The following KIR2DL4 variants were observed in gnomAD, a reference collection of about 807,000 sequenced individuals.
The protein encoded by KIR2DL4 is killer cell immunoglobulin like receptor, two Ig domains and long cytoplasmic tail 4.
In KIR2DL4, 41 loss-of-function variants were observed where a neutral mutation model predicts 31.0. The observed-to-expected ratio is 1.32, with a 90% confidence interval of 1.03 to 1.72. The LOEUF (loss-of-function observed/expected upper bound fraction) is 1.72, where lower values mean the gene tolerates loss of function less well. Among genes scored for constraint, KIR2DL4 ranks in the 40% most tolerant of loss-of-function variants. The probability of loss-of-function intolerance (pLI) is 0.00; values close to 1 mark genes in which losing one functional copy is unlikely to be tolerated. For missense variants in KIR2DL4, 438 were observed against 353.7 expected (o/e 1.24, Z -1.91); for synonymous variants, 164 against 133.6 (o/e 1.23, Z -1.57).
intron 4 of KIR2DL4, among the ~76,000 whole-genome samples, chr19:54,806,731 T>C (rs1601152786): frequency 6.6e-6 from 1 of 150,858 alleles, no homozygotes; most frequent in Admixed American, 6.6e-5. Context: ...TTATATGCTG[T>C]GTGCGGTGGC....
intron 3 of KIR2DL4, 107 bp from the exon 4 acceptor site, chr19:54,805,844 G>C (rs2060483771): frequency 9.4e-7 from 1 of 1,065,662 alleles, no homozygotes; most frequent in Admixed American, 2.3e-5. Context: ...GAGAGAGAGA[G>C]AGAGAGCACT....
chr19:54,814,149 A>T (rs1371559372), exon 8 of KIR2DL4: 1 of 1,600,676 alleles, frequency 6.2e-7, no homozygotes, highest in African/African-American at 1.4e-5. Flanking sequence ...ACTCTTCCTC[A>T]CACCACAAAT....
chr19:54,813,655 C>T (rs1382801187), intron 6 of KIR2DL4, 35 bp from the exon 6 acceptor site: 2 of 1,606,516 alleles, frequency 1.2e-6, no homozygotes, highest in Non-Finnish European at 1.7e-6. Flanking sequence ...CAGAAGTGCC[C>T]TCCCAGCTGT....
At chr19:54,803,993 G>A in intron 2 of KIR2DL4, 67 bp downstream of exon 2, 7 of 1,399,636 alleles carry the variant, frequency 5.0e-6, no homozygotes, top group East Asian at 2.3e-5. Flanking sequence ...CCAGAAATGG[G>A]AGGGAGGCAG....
Position 54,809,216 on chromosome 19 carries a change from G to A in KIR2DL4, c.706+333G>A, listed in dbSNP as rs1182431326. ...GGGGCTTGAGAAGGGGAAGGAAGGGGAACATTTTTGAGGGTGGTGTATTTG... is the reference window on the plus strand; with the variant it reads ...GGGGCTTGAGAAGGGGAAGGAAGGGAAACATTTTTGAGGGTGGTGTATTTG... On this transcript the variant is annotated intron_variant, in intron 5 of 7. Transcript: ENST00000359085. 6.6e-5 allele frequency among the ~76,000 whole-genome samples: 10 copies of A among 150,502 alleles called. 1 individual carries two copies. Among genetic ancestry groups the A allele is most frequent in the African/African-American group, 2.5e-4 (10 of 40,436 alleles).
chr19:54,808,936 GC>G (rs2060691431), intron 5 of KIR2DL4, 53 bp downstream of exon 5: 1 of 1,430,950 alleles, frequency 7.0e-7, no homozygotes, highest in Admixed American at 1.7e-5. Flanking sequence ...GGAGGTAGAA[GC>G]CTTGGATTCA....
intron 5 of KIR2DL4, chr19:54,813,054 A>C: frequency 4.1e-6 from 5 of 1,230,060 alleles, no homozygotes; most frequent in Non-Finnish European, 5.7e-6. Context: ...CTGGCAACCA[A>C]GAAATGAGAG....
chr19:54,809,651 C>G (rs1196206302), intron 5 of KIR2DL4, among the ~76,000 whole-genome samples: 1 of 151,196 alleles, frequency 6.6e-6, no homozygotes, highest in East Asian at 1.9e-4. Flanking sequence ...CCGTCTTCCT[C>G]CCTCAAAGTC....
At chr19:54,810,692 G>A (rs1439826372) in intron 5 of KIR2DL4, among the ~76,000 whole-genome samples, 1 of 151,190 alleles carries the variant, frequency 6.6e-6, no homozygotes, top group African/African-American at 2.4e-5. Flanking sequence ...AGAGCACACT[G>A]GGTACACAGG....
At chr19:54,814,169 G>C (rs376917646) in exon 8 of KIR2DL4, 74,597 of 1,571,698 alleles carry the variant, frequency 0.047, 3,425 homozygotes, top group South Asian at 0.12. Flanking sequence ...TCTGGTGCCT[G>C]TCTCTTGCTT....
intron 4 of KIR2DL4, among the ~76,000 whole-genome samples, chr19:54,807,530 A>G (rs770716203): frequency 6.6e-6 from 1 of 150,802 alleles, no homozygotes; most frequent in Non-Finnish European, 1.5e-5. Flanking sequence ...CTCTACCTCC[A>G]GGATTCAAGT....
Position 54,806,076 on chromosome 19 carries a change from GC to G in KIR2DL4, c.490del (p.His164MetfsTer81). 6.2e-7 allele frequency: 1 copy of G among 1,612,122 alleles called. No homozygotes were observed. Among genetic ancestry groups the G allele is most frequent in the South Asian group, 1.1e-5 (1 of 90,636 alleles). ...CTACCATCTATCCAGGGAGGGGGAA[GC>G]CCATGAACTTAGGCTCCCTGCAGTG... On this transcript the variant is annotated frameshift_variant, in exon 4 of 8. Coordinates refer to ENST00000359085, the Ensembl canonical transcript of KIR2DL4. LOFTEE classifies it high-confidence loss of function.
intron 5 of KIR2DL4, chr19:54,813,005 C>T: frequency 2.9e-6 from 2 of 680,718 alleles, no homozygotes; most frequent in Non-Finnish European, 4.8e-6. Context: ...TCTCCCGCCT[C>T]GTGGGTGCTT....
rs11371265 is a variant in KIR2DL4, at chr19:54,813,219, CA to C, written c.810del (p.Met271CysfsTer20). 237 of 1,401,824 alleles carry C rather than the reference CA, an allele frequency of 1.7e-4. 1 individual carries two copies. Among genetic ancestry groups the C allele is most frequent in the Admixed American group, 6.7e-4 (29 of 43,278 alleles). The allele number at this position is 1,401,824 out of a possible 1,614,324, so 86.8% of individuals were successfully genotyped here. A position where few individuals can be genotyped will look rare whatever the true frequency, so the allele number is the denominator to read the frequency against. ...TCTTTCTCCTTCATCGCTGGTGCTCCAAAAAAAAAGTAAGCCTCACGAAGCA... is the reference window on the plus strand; with the variant it reads ...TCTTTCTCCTTCATCGCTGGTGCTCCAAAAAAAAGTAAGCCTCACGAAGCA... On this transcript the variant is annotated frameshift_variant, in exon 6 of 8. Coordinates refer to ENST00000359085, the Ensembl canonical transcript of KIR2DL4. LOFTEE classifies it high-confidence loss of function.
rs370860392 is a variant in KIR2DL4 at position 54,812,603 on chromosome 19, C to G, written c.707-522C>G. ...ACGCTGTACTAGAAGCAGGACACTA[C>G]CATCTATTTCTGGCTGCGGCCTCAG... On this transcript the variant is annotated intron_variant, in intron 5 of 7. Coordinates refer to ENST00000359085, the Ensembl canonical transcript of KIR2DL4. 8.0e-5 allele frequency among the ~76,000 whole-genome samples: 12 copies of G among 150,090 alleles called. 1 individual carries two copies. Among genetic ancestry groups the G allele is most frequent in the East Asian group, 7.9e-4 (4 of 5,074 alleles).
intron 3 of KIR2DL4, 79 bp from the exon 4 acceptor site, chr19:54,805,872 A>G: frequency 7.8e-7 from 1 of 1,283,044 alleles, no homozygotes; most frequent in Non-Finnish European, 1.1e-6. Flanking sequence ...AGAGCAGGGC[A>G]GTGAGTTCTC....
chr19:54,804,151 A>AGTAAGAGGAGATCCTGGTG (rs2060352323), intron 2 of KIR2DL4, among the ~76,000 whole-genome samples: 1 of 150,432 alleles, frequency 6.6e-6, no homozygotes, highest in Non-Finnish European at 1.5e-5. Context: ...AGATCCTGGT[A>AGTAAGAGGAGATCCTGGTG]TGCTCAGCCC....
chr19:54,808,681 C>T lies in KIR2DL4; in HGVS notation c.656-152C>T, dbSNP rs2060672446. 19 of 738,262 alleles carry T rather than the reference C, an allele frequency of 2.6e-5. No homozygotes were observed. The Middle Eastern group carries it at 1.5e-3, about 59-fold the overall frequency. The allele number at this position is 738,262 out of a possible 1,614,324, so 45.7% of individuals were successfully genotyped here. The stretch of plus-strand genomic sequence containing the variant: ...CTTGAAGTCTCAAGATAGTTGGTGT[C>T]ACCTACAATGATTATGGAGAATGGG... On this transcript the variant is annotated intron_variant, in intron 4 of 7. Coordinates refer to ENST00000359085, the Ensembl canonical transcript of KIR2DL4.
chr19:54,809,326 T>G (rs2060716088), intron 5 of KIR2DL4, among the ~76,000 whole-genome samples: 1 of 150,680 alleles, frequency 6.6e-6, no homozygotes, highest in Admixed American at 6.6e-5. Flanking sequence ...AGCTTTGCGG[T>G]AAGAGAGAAC....
Sources: allele counts gnomAD v4.1 joint callset (sites outside exome capture counted in the v4.1 genomes callset), GRCh38; gene constraint gnomAD v4.1.1; transcripts MANE v1.5; gene names NCBI Gene and HGNC (gene_info 2026-07-23, HGNC 2026-07-21).